Variants in DNAI7 observed in about 807,000 individuals in gnomAD.
DNAI7 encodes dynein axonemal intermediate chain 7.
Under a neutral mutation model 86.6 loss-of-function variants are expected in DNAI7, and 78 were observed. The observed-to-expected ratio is 0.90, with a 90% CI of 0.75 to 1.09. The LOEUF is 1.09. Ranked by LOEUF, DNAI7 falls within the 50% of genes least tolerant of loss-of-function variation. DNAI7 has a pLI of 0.00. For missense variants in DNAI7, 753 were observed against 810.2 expected, an observed-to-expected ratio of 0.93 and a Z score of 0.86; for synonymous variants, 274 against 273.0, an observed-to-expected ratio of 1.00 and a Z score of -0.04.
rs765694999 is a variant in DNAI7 at position 25,144,391 on chromosome 12, C to CCT, written c.974_975dup (p.Glu326ArgfsTer8). The CCT allele has an allele frequency of 6.2e-7, 1 of 1,613,590 alleles. No homozygotes were observed. The highest frequency in any genetic ancestry group is 8.5e-7 in the Non-Finnish European group (1 of 1,179,756). Reference sequence around the variant, plus strand: ...ATTTTCACTTCAATATCACCTTGTTCCTCCTCAACTTTTATTTCTTCCTCC... The same window carrying CCT: ...ATTTTCACTTCAATATCACCTTGTTCCTCTCCTCAACTTTTATTTCTTCCTCC... On this transcript the variant is annotated frameshift_variant, in exon 9 of 16. Coordinates refer to ENST00000395987, the MANE Select transcript of DNAI7 (RefSeq NM_018272.5). LOFTEE classifies it high-confidence loss of function.
intron 9 of DNAI7, among the ~76,000 whole-genome samples, chr12:25,139,441 C>T (rs1406208422): frequency 6.6e-6 from 1 of 152,110 alleles, no homozygotes; most frequent in Non-Finnish European, 1.5e-5. Context: ...CCCTGATGAA[C>T]ATAGATGTAA....
intron 6 of DNAI7, 65 bp from the exon 7 acceptor site, chr12:25,149,839 A>G: frequency 2.0e-6 from 2 of 986,582 alleles, no homozygotes; most frequent in South Asian, 3.0e-5. Context: ...TGAAAAAGGG[A>G]ATGTTTTATC....
chr12:25,155,283 T>C, intron 5 of DNAI7, 28 bp downstream of exon 5: 1 of 1,222,806 alleles, frequency 8.2e-7, no homozygotes, highest in Non-Finnish European at 1.2e-6. Flanking sequence ...GACAAAGGTA[T>C]TAGCTAAAAA....
At chr12:25,166,814 T>C (rs529426464) in intron 2 of DNAI7, among the ~76,000 whole-genome samples, 3 of 152,294 alleles carry the variant, frequency 2.0e-5, no homozygotes, top group Admixed American at 6.5e-5. Flanking sequence ...TTTAATACTT[T>C]TAGAGGCCCT....
intron 11 of DNAI7, among the ~76,000 whole-genome samples, chr12:25,121,334 C>G (rs1941260627): frequency 6.6e-6 from 1 of 152,166 alleles, no homozygotes; most frequent in African/African-American, 2.4e-5. Flanking sequence ...CATAGCTGTG[C>G]CCATTCGTTT....
At chr12:25,187,855 CTG>C (rs1447785439) in intron 2 of DNAI7, among the ~76,000 whole-genome samples, 2 of 151,874 alleles carry the variant, frequency 1.3e-5, no homozygotes, top group East Asian at 3.9e-4. Flanking sequence ...CTGTATAAAA[CTG>C]GATATAGGGA....
intron 6 of DNAI7, among the ~76,000 whole-genome samples, chr12:25,152,500 C>T (rs1250826429): frequency 6.6e-6 from 1 of 152,242 alleles, no homozygotes; most frequent in Admixed American, 6.5e-5. Flanking sequence ...AAGCTCTACA[C>T]TCCTCCCTAC....
intron 3 of DNAI7, 66 bp downstream of exon 3, chr12:25,161,047 T>C: frequency 1.6e-6 from 2 of 1,215,572 alleles, no homozygotes; most frequent in Non-Finnish European, 2.4e-6. Flanking sequence ...TTGACTTTAC[T>C]ACAAAAGACC....
intron 12 of DNAI7, 82 bp from the exon 13 acceptor site, chr12:25,114,952 C>T (rs1271336821): frequency 1.0e-5 from 11 of 1,050,820 alleles, no homozygotes; most frequent in Non-Finnish European, 1.5e-5. Context: ...AAAAAAATTG[C>T]TTTGTGTATA....
At position 25,114,879 on chromosome 12, in the gene DNAI7, T is replaced by C. The variant is rs1565626392; in HGVS notation, c.1397-9A>G. ...AGTTCTCCAATGTTTACCTTTATAATTGATGAAGAAAGTGACACTAGTTTC... is the reference window on the plus strand; with the variant it reads ...AGTTCTCCAATGTTTACCTTTATAACTGATGAAGAAAGTGACACTAGTTTC... On this transcript the variant is annotated splice_polypyrimidine_tract_variant and intron_variant, in intron 12 of 15. Coordinates refer to ENST00000395987, the MANE Select transcript of DNAI7 (RefSeq NM_018272.5). 4 of 1,588,926 alleles carry C rather than the reference T, an allele frequency of 2.5e-6. No individual in the cohort carries two copies. The highest frequency in any genetic ancestry group is 2.2e-5 in the South Asian group (2 of 88,908).
chr12:25,152,927 G>T (rs1945728130), intron 6 of DNAI7, among the ~76,000 whole-genome samples: 1 of 152,282 alleles, frequency 6.6e-6, no homozygotes, highest in Non-Finnish European at 1.5e-5. Context: ...TGAATGTGAG[G>T]ATTCACATCT....
intron 9 of DNAI7, among the ~76,000 whole-genome samples, chr12:25,138,002 G>GA (rs549791649): frequency 0.012 from 1,635 of 137,168 alleles, 13 homozygotes; most frequent in South Asian, 0.049. Context: ...ACAGAAAATG[G>GA]AAAAAAAAAA....
intron 2 of DNAI7, among the ~76,000 whole-genome samples, chr12:25,189,844 A>G (rs988197282): frequency 3.3e-5 from 5 of 152,176 alleles, no homozygotes; most frequent in Admixed American, 6.5e-5. Flanking sequence ...CAAAGATTTT[A>G]TGCATTCCTA....
chr12:25,107,890 T>C, downstream of DNAI7: 1 of 1,614,210 alleles, frequency 6.2e-7, no homozygotes, highest in South Asian at 1.1e-5. Context: ...CCTCTGGCTC[T>C]CTATTGCATT....
At position 25,161,119 on chromosome 12, in the gene DNAI7, C is replaced by T. The variant is rs1452073854; in HGVS notation, c.100G>A (p.Glu34Lys). 8 of 1,612,974 alleles carry T rather than the reference C, an allele frequency of 5.0e-6. No individual in the cohort carries two copies. In the South Asian group the frequency reaches 5.5e-5, roughly 11 times the overall value. ...LQEEEERRLK[E>K]EEEARLKYEK... ...ATCACTATTTATTTTGTACCTTCCTCTTTCAGTCGTCTCTCCTCCTCCTCT... is the reference window on the plus strand; with the variant it reads ...ATCACTATTTATTTTGTACCTTCCTTTTTCAGTCGTCTCTCCTCCTCCTCT... The change falls in exon 3 of 16, where the codon GAG (glutamate) becomes AAG (lysine). Residue 34 changes from glutamate (E) to lysine (K), a missense_variant. By Grantham distance (56) the Glu-to-Lys change is moderately conservative (BLOSUM62 1). Coordinates refer to ENST00000395987, the MANE Select transcript of DNAI7 (RefSeq NM_018272.5).
At chr12:25,117,809 C>T (rs1940427345) in intron 12 of DNAI7, among the ~76,000 whole-genome samples, 1 of 151,998 alleles carries the variant, frequency 6.6e-6, no homozygotes, top group Non-Finnish European at 1.5e-5. Flanking sequence ...TACTTGTGTA[C>T]AATTTATAAA....
intron 9 of DNAI7, among the ~76,000 whole-genome samples, chr12:25,130,430 G>A (rs2140591946): frequency 6.6e-6 from 1 of 152,192 alleles, no homozygotes; most frequent in South Asian, 2.1e-4. Context: ...CCAGCTACTT[G>A]GGAGGCTGAG....
intron 6 of DNAI7, 49 bp from the exon 7 acceptor site, chr12:25,149,823 G>T: frequency 8.4e-7 from 1 of 1,188,358 alleles, no homozygotes; most frequent in South Asian, 1.4e-5. Context: ...AATAGTCAAG[G>T]ACAAGTGAAA....
intron 4 of DNAI7, among the ~76,000 whole-genome samples, chr12:25,158,251 C>T (rs980740982): frequency 6.6e-6 from 1 of 151,920 alleles, no homozygotes; most frequent in Non-Finnish European, 1.5e-5. Context: ...AAAGAAGATC[C>T]AAGTCTTTGC....
Sources: gnomAD v4.1 joint callset for allele counts (sites outside exome capture counted in the v4.1 genomes callset) on GRCh38, gnomAD v4.1.1 for gene constraint, MANE v1.5 for transcripts, NCBI Gene and HGNC (gene_info 2026-07-23, HGNC 2026-07-21) for gene names.